The following SH2D4B variants were observed in gnomAD, a reference collection of about 807,000 sequenced individuals.
SH2D4B encodes the protein SH2 domain-containing protein 4B.
A neutral mutation model predicts 61.5 loss-of-function variants in SH2D4B; 45 were observed. The ratio of observed to expected loss-of-function variants is 0.73; its 90% CI spans 0.58 to 0.94. The LOEUF (loss-of-function observed/expected upper bound fraction) is 0.94. Among genes scored for constraint, SH2D4B ranks in the 40% least tolerant of loss-of-function variants. The probability of loss-of-function intolerance (pLI) is 0.00; values close to 1 mark genes in which losing one functional copy is unlikely to be tolerated. For synonymous variants in SH2D4B, 224 were observed against 220.4 expected, an observed-to-expected ratio of 1.02 and a Z score of -0.14; for missense variants, 572 against 574.2, an observed-to-expected ratio of 1.00 and a Z score of 0.04.
chr10:80,643,742 G>A (rs1466683417), intron 7 of SH2D4B, among the ~76,000 whole-genome samples: 1 of 151,822 alleles, frequency 6.6e-6, no homozygotes, highest in African/African-American at 2.4e-5. Flanking sequence ...CCTCCTGCAT[G>A]TCTTTTGTTT....
Position 80,603,804 on chromosome 10 carries a change from A to AG in SH2D4B, c.860+11dup, listed in dbSNP as rs763403364. The AG allele has an allele frequency of 3.1e-6, 5 of 1,605,104 alleles. No homozygotes were observed. Among genetic ancestry groups the AG allele is most frequent in the Non-Finnish European group, 4.2e-6 (5 of 1,177,958 alleles). On this transcript the variant is annotated intron_variant, in intron 5 of 7. Coordinates refer to ENST00000646907, the MANE Select transcript of SH2D4B (RefSeq NM_001388272.1). ...CTTGCCCTGCCGGTCAGGTGGGTCC[A>AG]GGCTCCGTGTTGGTGTGGTTGGGGC...
At position 80,603,632 on chromosome 10, in the gene SH2D4B, C is replaced by T. The variant is rs144544922; in HGVS notation, c.697C>T (p.Arg233Trp). 45 of 1,595,060 alleles carry T rather than the reference C, an allele frequency of 2.8e-5. No homozygotes were observed. Among genetic ancestry groups the T allele is most frequent in the African/African-American group, 1.7e-4 (13 of 74,824 alleles). Reference sequence around the variant, plus strand: ...GAGGAGCCGCCGAGCCCAGCGCGCCCGGGACGAGTACCGACACCACTCGCT... The same window carrying T: ...GAGGAGCCGCCGAGCCCAGCGCGCCTGGGACGAGTACCGACACCACTCGCT... Reference protein sequence around the residue: ...EERSRRAQRARDEYRHHSLRA... With the variant: ...EERSRRAQRAWDEYRHHSLRA... The change falls in exon 5 of 8, where the codon CGG (arginine) becomes TGG (tryptophan). Residue 233 changes from arginine to tryptophan, a missense_variant. Physicochemically the swap from Arg to Trp is moderately radical, Grantham distance 101. Coordinates refer to ENST00000646907, the MANE Select transcript of SH2D4B (RefSeq NM_001388272.1).
At chr10:80,573,718 G>C (rs1842090973) in intron 3 of SH2D4B, among the ~76,000 whole-genome samples, 1 of 151,948 alleles carries the variant, frequency 6.6e-6, no homozygotes, top group Admixed American at 6.6e-5. Context: ...AATTATTGTA[G>C]CTTTAAAATA....
At chr10:80,620,975 T>A (rs1282754574) in intron 6 of SH2D4B, among the ~76,000 whole-genome samples, 1 of 152,266 alleles carries the variant, frequency 6.6e-6, no homozygotes, top group Non-Finnish European at 1.5e-5. Flanking sequence ...ATCTTATGTT[T>A]GCAAAATTTT....
At chr10:80,551,365 A>T (rs1384047375) in intron 1 of SH2D4B, among the ~76,000 whole-genome samples, 2 of 152,164 alleles carry the variant, frequency 1.3e-5, no homozygotes, top group African/African-American at 2.4e-5. Context: ...ACATAACTTG[A>T]TTTTTAAAAA....
chr10:80,636,084 G>A (rs149004788), intron 7 of SH2D4B, among the ~76,000 whole-genome samples: 1 of 152,176 alleles, frequency 6.6e-6, no homozygotes, highest in Admixed American at 6.5e-5. Flanking sequence ...TTGCGAGAAT[G>A]ATGGTTTCCA....
At position 80,643,935 on chromosome 10, in the gene SH2D4B, T is replaced by G. The variant is rs552794107; in HGVS notation, c.1210-58T>G. On this transcript the variant is annotated intron_variant, in intron 7 of 7. Transcript: ENST00000646907. ...GTCTTGAACCACTCTCTCTCTCTCATAGATGTGTATTTCCCTGTCTTGATT... is the reference window on the plus strand; with the variant it reads ...GTCTTGAACCACTCTCTCTCTCTCAGAGATGTGTATTTCCCTGTCTTGATT... The G allele has an allele frequency of 1.8e-5, 24 of 1,330,160 alleles. No homozygotes were observed. In the African/African-American group the frequency reaches 2.9e-4, roughly 16 times the overall value. The allele number at this position is 1,330,160 out of a possible 1,614,324, so 82.4% of individuals were successfully genotyped here. A position where few individuals can be genotyped will look rare whatever the true frequency, so the allele number is the denominator to read the frequency against.
chr10:80,560,291 CT>C (rs1362453868), intron 1 of SH2D4B, among the ~76,000 whole-genome samples: 1 of 151,370 alleles, frequency 6.6e-6, no homozygotes, highest in African/African-American at 2.4e-5. Flanking sequence ...CCGGCTGCAC[CT>C]TTTTTTTATT....
At chr10:80,544,171 C>G (rs577316327) in intron 1 of SH2D4B, among the ~76,000 whole-genome samples, 27 of 152,274 alleles carry the variant, frequency 1.8e-4, no homozygotes, top group Admixed American at 1.4e-3. Flanking sequence ...CTGCGAAGGT[C>G]TGCAGCTTCA....
chr10:80,543,129 C>T (rs1001790807), intron 1 of SH2D4B, among the ~76,000 whole-genome samples: 16 of 152,180 alleles, frequency 1.1e-4, no homozygotes, highest in African/African-American at 3.4e-4. Flanking sequence ...CTCTCGCTCT[C>T]GGTGCCTCCT....
intron 1 of SH2D4B, among the ~76,000 whole-genome samples, chr10:80,555,613 A>T (rs1841823776): frequency 6.6e-6 from 1 of 152,098 alleles, no homozygotes; most frequent in Non-Finnish European, 1.5e-5. Flanking sequence ...GTCATGGAGG[A>T]GGAGGGGTTG....
chr10:80,541,792 T>G (rs1210116033), intron 1 of SH2D4B, among the ~76,000 whole-genome samples: 1 of 152,096 alleles, frequency 6.6e-6, no homozygotes, highest in African/African-American at 2.4e-5. Context: ...TTACAGAACC[T>G]AGGAGGTTTT....
At chr10:80,570,343 G>A (rs1165948621) in intron 2 of SH2D4B, 27 bp downstream of exon 2, 1 of 1,610,406 alleles carries the variant, frequency 6.2e-7, no homozygotes, top group Non-Finnish European at 8.5e-7. Flanking sequence ...GGTGTTGGGT[G>A]GGGCCTAGGC....
In SH2D4B at chr10:80,611,133, A is replaced by G. The variant is rs139106310; in HGVS notation, c.988+1582A>G. On this transcript the variant is annotated intron_variant, in intron 6 of 7. Transcript: ENST00000646907. ...GAGGTTGCAGAGAGCCGAGATTGCA[A>G]CATTGTACTCCAGCCTGGGCAACCA... Among the ~76,000 whole-genome samples the G allele has an allele frequency of 2.4e-3, 358 of 147,362 alleles. 3 individuals are homozygous for G. Among genetic ancestry groups the G allele is most frequent in the African/African-American group, 8.7e-3 (343 of 39,548 alleles).
At chr10:80,550,131 G>A (rs987629702) in intron 1 of SH2D4B, among the ~76,000 whole-genome samples, 1 of 152,086 alleles carries the variant, frequency 6.6e-6, no homozygotes, top group South Asian at 2.1e-4. Flanking sequence ...GGATGGCAGA[G>A]CAAGAAGTAA....
chr10:80,633,376 C>T (rs1459675151), intron 6 of SH2D4B, among the ~76,000 whole-genome samples: 1 of 152,196 alleles, frequency 6.6e-6, no homozygotes, highest in Non-Finnish European at 1.5e-5. Flanking sequence ...CTTTATTCAA[C>T]TTGAAAGTCA....
At chr10:80,613,279 T>A (rs566852226) in intron 6 of SH2D4B, among the ~76,000 whole-genome samples, 1 of 152,250 alleles carries the variant, frequency 6.6e-6, no homozygotes, top group Non-Finnish European at 1.5e-5. Context: ...AAACTACTTG[T>A]GAGAAATGCT....
chr10:80,559,468 CT>C (rs1373237246), intron 1 of SH2D4B, among the ~76,000 whole-genome samples: 3 of 152,090 alleles, frequency 2.0e-5, no homozygotes, highest in Admixed American at 6.6e-5. Context: ...TACAATCTTG[CT>C]CCCCATCTCT....
At chr10:80,580,472 G>A (rs936289240) in intron 3 of SH2D4B, among the ~76,000 whole-genome samples, 18 of 152,152 alleles carry the variant, frequency 1.2e-4, no homozygotes, top group Non-Finnish European at 2.4e-4. Context: ...TCAAAACCAT[G>A]AAAAGGGAGG....
Sources: gnomAD v4.1 joint callset for allele counts (sites outside exome capture counted in the v4.1 genomes callset) on GRCh38, gnomAD v4.1.1 for gene constraint, MANE v1.5 for transcripts, NCBI Gene and HGNC (gene_info 2026-07-23, HGNC 2026-07-21) for gene names.